Variants in SI observed in about 807,000 individuals in gnomAD.
The protein encoded by SI is sucrase-isomaltase.
Under a neutral mutation model 253.3 loss-of-function variants are expected in SI, and 235 were observed. The ratio of observed to expected loss-of-function variants is 0.93; its 90% CI spans 0.83 to 1.03. SI has a LOEUF of 1.03. Ranked by LOEUF, SI falls within the 50% of genes least tolerant of loss-of-function variation. The pLI, the probability that SI is intolerant of heterozygous loss-of-function variation, is 0.00. For missense variants in SI, 2,442 were observed against 2,211.1 expected, an observed-to-expected ratio of 1.10 and a Z score of -2.09; for synonymous variants, 819 against 712.0, an observed-to-expected ratio of 1.15 and a Z score of -2.39.
At chr3:165,082,382 A>ACTTT (rs1228180767), upstream of SI, among the ~76,000 whole-genome samples, 1 of 151,954 alleles carries the variant, frequency 6.6e-6, no homozygotes, top group Non-Finnish European at 1.5e-5. Context: ...CAGTTATTCA[A>ACTTT]CTTTTCTCTT....
chr3:165,042,193 C>G (rs1712870061), intron 17 of SI, among the ~76,000 whole-genome samples: 1 of 152,076 alleles, frequency 6.6e-6, no homozygotes, highest in Admixed American at 6.6e-5. Context: ...TAATTTCTAT[C>G]AAAATCTCCC....
rs762792591 is a variant in SI at position 165,019,589 on chromosome 3, T to A, written c.3423+13A>T. On this transcript the variant is annotated intron_variant, in intron 28 of 47. Transcript: ENST00000264382. ...TTAGTTGCCTCGTGGAGTGGTCATA[T>A]GTTGGTACCTACACCAGGGGGTTGG... The A allele has an allele frequency of 6.2e-7, 1 of 1,611,480 alleles. No individual in the cohort carries two copies. The highest frequency in any genetic ancestry group is 1.1e-5 in the South Asian group (1 of 91,044).
chr3:165,027,257 G>C (rs1711978419), intron 25 of SI, among the ~76,000 whole-genome samples: 1 of 150,748 alleles, frequency 6.6e-6, no homozygotes, highest in African/African-American at 2.4e-5. Flanking sequence ...CTTAAATCGG[G>C]AAGAATTAGA....
intron 16 of SI, among the ~76,000 whole-genome samples, chr3:165,044,871 T>A (rs1713028925): frequency 1.3e-5 from 2 of 152,054 alleles, no homozygotes; most frequent in Admixed American, 1.3e-4. Flanking sequence ...CTGAAATGGA[T>A]AAAGTTTATT....
At chr3:165,029,993 A>T (rs2108201143) in intron 25 of SI, among the ~76,000 whole-genome samples, 2 of 150,846 alleles carry the variant, frequency 1.3e-5, no homozygotes, top group South Asian at 4.2e-4. Context: ...CTGGAGGCAG[A>T]GATTCTATGC....
intron 38 of SI, 130 bp from the exon 39 acceptor site, chr3:164,996,902 T>G (rs1337871434): frequency 2.0e-6 from 1 of 503,070 alleles, no homozygotes; most frequent in Non-Finnish European, 3.3e-6. Context: ...TTTCAGATTA[T>G]TAATATAATT....
chr3:165,055,217 C>G lies in SI; in HGVS notation c.1489G>C (p.Val497Leu). 6.2e-7 allele frequency: 1 copy of G among 1,609,836 alleles called. No homozygotes were observed. Among genetic ancestry groups the G allele is most frequent in the Non-Finnish European group, 8.5e-7 (1 of 1,176,694 alleles). The stretch of plus-strand genomic sequence containing the variant: ...ACAATCCAAAGTCCATCATATTGCA[C>G]TTCTTGATGGAAAATACTGCATTCA... Reference protein sequence around the residue: ...ANECSIFHQEVQYDGLWIDMN... With the variant: ...ANECSIFHQELQYDGLWIDMN... The change falls in exon 13 of 48, where the codon GTG (valine) becomes CTG (leucine). Residue 497 changes from valine (V) to leucine (L), a missense_variant. Physicochemically the swap from Val to Leu is conservative, Grantham distance 32. Coordinates refer to ENST00000264382, the MANE Select transcript of SI (RefSeq NM_001041.4).
Position 164,998,687 on chromosome 3 carries a change from G to A in SI, c.4407-14C>T. 9 of 1,607,098 alleles carry A rather than the reference G, an allele frequency of 5.6e-6. No homozygotes were observed. Among genetic ancestry groups the A allele is most frequent in the Non-Finnish European group, 7.7e-6 (9 of 1,174,434 alleles). ...TTCTGCAATGCACTAATATAGTAGA[G>A]AAGTATTTTTGAGTTTTTACATGAG... On this transcript the variant is annotated splice_polypyrimidine_tract_variant and intron_variant, in intron 37 of 47. Coordinates refer to ENST00000264382, the MANE Select transcript of SI (RefSeq NM_001041.4).
At position 164,979,128 on chromosome 3, in the gene SI, A is replaced by T; in HGVS notation, c.*234T>A. The T allele has an allele frequency of 2.2e-6, 1 of 460,958 alleles. No individual in the cohort carries two copies. The highest frequency in any genetic ancestry group is 3.9e-6 in the Non-Finnish European group (1 of 255,380). 28.6% of individuals were successfully genotyped at this position (460,958 alleles called of 1,614,324 possible). A position where few individuals can be genotyped will look rare whatever the true frequency, so the allele number is the denominator to read the frequency against. ...TTACAATTGTAGCTGATACTTAACA[A>T]GGATAAATAGGGCTATTCAAATTTT... On this transcript the variant is annotated 3_prime_UTR_variant, in exon 48 of 48. Transcript: ENST00000264382.
chr3:165,025,616 C>G, intron 25 of SI, among the ~76,000 whole-genome samples: 1 of 151,086 alleles, frequency 6.6e-6, no homozygotes, highest in South Asian at 2.1e-4. Flanking sequence ...ACTAGCTAAC[C>G]TATAAAAGAA....
intron 31 of SI, 79 bp from the exon 32 acceptor site, chr3:165,016,159 A>G: frequency 2.3e-6 from 3 of 1,286,534 alleles, no homozygotes; most frequent in Non-Finnish European, 3.4e-6. Context: ...TACTTATAAA[A>G]GTAACAGCAA....
intron 9 of SI, among the ~76,000 whole-genome samples, chr3:165,061,632 A>G (rs1455503082): frequency 6.6e-6 from 1 of 152,036 alleles, no homozygotes; most frequent in African/African-American, 2.4e-5. Context: ...AAATAGGCAT[A>G]ATCTTAAAAT....
At position 165,040,098 on chromosome 3, in the gene SI, T is replaced by C. The variant is rs1041552649; in HGVS notation, c.2160-127A>G. On this transcript the variant is annotated intron_variant, in intron 18 of 47. Coordinates refer to ENST00000264382, the MANE Select transcript of SI (RefSeq NM_001041.4). ...TATCTTGAATTGTGCTTGTTTCAGA[T>C]GACATTTTCAATTCATGGTTCTTAC... 6.6e-6 allele frequency: 5 copies of C among 761,426 alleles called. No individual in the cohort carries two copies. In the African/African-American group the frequency reaches 6.9e-5, roughly 11 times the overall value. 47.2% of individuals were successfully genotyped at this position (761,426 alleles called of 1,614,324 possible).
At chr3:165,075,862 A>G (rs1490424357) in intron 2 of SI, 33 bp downstream of exon 2, 5 of 1,266,508 alleles carry the variant, frequency 3.9e-6, no homozygotes, top group Non-Finnish European at 1.2e-6. Flanking sequence ...TAACTTCACG[A>G]TAATGTAGCC....
chr3:164,990,045 A>G (rs1190309282), intron 44 of SI, among the ~76,000 whole-genome samples: 1 of 152,174 alleles, frequency 6.6e-6, no homozygotes, highest in African/African-American at 2.4e-5. Context: ...CAACATCAAC[A>G]GTGAACCCTA....
At chr3:165,026,410 TAC>T (rs1711923642) in intron 25 of SI, among the ~76,000 whole-genome samples, 1 of 151,146 alleles carries the variant, frequency 6.6e-6, no homozygotes, top group Non-Finnish European at 1.5e-5. Flanking sequence ...CCACTGATAG[TAC>T]TAGACAGATC....
upstream of SI, among the ~76,000 whole-genome samples, chr3:165,078,853 T>C (rs972978561): frequency 1.3e-5 from 2 of 151,548 alleles, no homozygotes; most frequent in African/African-American, 4.8e-5. Context: ...TAGAAACATA[T>C]TTGAAAGACA....
intron 45 of SI, among the ~76,000 whole-genome samples, chr3:164,986,637 T>C (rs1275858234): frequency 1.3e-5 from 2 of 152,196 alleles, no homozygotes; most frequent in African/African-American, 4.8e-5. Context: ...CTGTTTTACA[T>C]AAAACTATGA....
Position 165,076,031 on chromosome 3 carries a change from A to G in SI, c.1-19T>C, listed in dbSNP as rs1325484683. On this transcript the variant is annotated intron_variant, in intron 1 of 47. Coordinates refer to ENST00000264382, the MANE Select transcript of SI (RefSeq NM_001041.4). Reference sequence around the variant, plus strand: ...TTGCCATCTAAAAACAGAAAAGAATATATATTTAAAATGTAAAATATATAA... The same window carrying G: ...TTGCCATCTAAAAACAGAAAAGAATGTATATTTAAAATGTAAAATATATAA... 6.8e-7 allele frequency: 1 copy of G among 1,464,998 alleles called. No homozygotes were observed. The highest frequency in any genetic ancestry group is 9.4e-7 in the Non-Finnish European group (1 of 1,062,220). 90.7% of individuals were successfully genotyped at this position (1,464,998 alleles called of 1,614,324 possible). A position where few individuals can be genotyped will look rare whatever the true frequency, so the allele number is the denominator to read the frequency against.
Sources: gnomAD v4.1 joint callset for allele counts (sites outside exome capture counted in the v4.1 genomes callset) on GRCh38, gnomAD v4.1.1 for gene constraint, MANE v1.5 for transcripts, NCBI Gene and HGNC (gene_info 2026-07-23, HGNC 2026-07-21) for gene names.